TRIM46: variants seen among roughly 807,000 people sequenced by gnomAD.
The protein encoded by TRIM46 is tripartite motif-containing protein 46.
In TRIM46, 17 loss-of-function variants were observed where a neutral mutation model predicts 69.7. The observed-to-expected ratio is 0.24, with a 90% CI of 0.17 to 0.37. The LOEUF is 0.37. Ranked by LOEUF, TRIM46 falls within the 10% of genes least tolerant of loss-of-function variation. TRIM46 has a pLI of 1.00. For missense variants in TRIM46, 675 were observed against 1,025.1 expected (o/e 0.66, Z 4.66); for synonymous variants, 391 against 429.0 (o/e 0.91, Z 1.09).
rs901497170 is a variant in TRIM46, at chr1:155,177,995, T to C, written c.910-7T>C. The stretch of plus-strand genomic sequence containing the variant: ...CACGCATCCTTTGGGTGTTGCTCCC[T>C]GGGCAGGTGAGTGGTCAGCAGGCCA... On this transcript the variant is annotated splice_polypyrimidine_tract_variant and splice_region_variant and intron_variant, in intron 5 of 9. Transcript: ENST00000334634. The C allele has an allele frequency of 6.2e-7, 1 of 1,611,882 alleles. No homozygotes were observed. Among genetic ancestry groups the C allele is most frequent in the Non-Finnish European group, 8.5e-7 (1 of 1,179,286 alleles).
At chr1:155,178,408 G>A in intron 6 of TRIM46, 84 bp from the exon 7 acceptor site, 1 of 1,599,676 alleles carries the variant, frequency 6.3e-7, no homozygotes, top group South Asian at 1.1e-5. Context: ...AGTTCCCAAG[G>A]CTCTAGGGGC....
At chr1:155,174,745 T>C in intron 1 of TRIM46, 1 of 1,454,116 alleles carries the variant, frequency 6.9e-7, no homozygotes, top group Non-Finnish European at 9.0e-7. Flanking sequence ...GGCTCTTGAT[T>C]CCCCCGCTAG....
chr1:155,174,140 C>G, intron 1 of TRIM46, 111 bp downstream of exon 1: 1 of 1,250,360 alleles, frequency 8.0e-7, no homozygotes, highest in Non-Finnish European at 1.1e-6. Context: ...AGACAGGGGG[C>G]TAGCGATGGC....
chr1:155,184,330 C>T lies in TRIM46; in HGVS notation c.*140C>T. ...GCCCTGCTCCTTCTCCCGTGTCTGT[C>T]TTCCCACAGTTTTCTCTTGACCCAG... On this transcript the variant is annotated 3_prime_UTR_variant, in exon 10 of 10. Transcript: ENST00000334634. The surrounding 1 kb of genome is among the most constrained non-coding windows in gnomAD (Gnocchi z 5.6). 3.1e-6 allele frequency: 3 copies of T among 955,520 alleles called. No individual in the cohort carries two copies. Among genetic ancestry groups the T allele is most frequent in the Non-Finnish European group, 3.0e-6 (2 of 663,188 alleles). The allele number at this position is 955,520 out of a possible 1,614,324, so 59.2% of individuals were successfully genotyped here.
rs751306680 is a variant in TRIM46, at chr1:155,178,511, G to A, written c.1183G>A (p.Ala395Thr). Residue 395 changes from alanine (A) to threonine (T), a missense_variant, in exon 7 of 10, where the codon GCC (alanine) becomes ACC (threonine). Physicochemically the swap from Ala to Thr is moderately conservative, Grantham distance 58 (BLOSUM62 0). Transcript: ENST00000334634. ...TCCCAGGATTGCCCGAGCCACTGAA[G>A]CCCTCCAGACATTCCGGCCAGCTGC... is the stretch of plus-strand genomic sequence containing the variant. ...LHNRIARATE[A>T]LQTFRPAASS... The A allele has an allele frequency of 3.1e-6, 5 of 1,614,042 alleles. No homozygotes were observed. Among genetic ancestry groups the A allele is most frequent in the Non-Finnish European group, 4.2e-6 (5 of 1,180,006 alleles).
chr1:155,178,739 T>TTGC, intron 7 of TRIM46, 126 bp downstream of exon 7: 19 of 1,348,358 alleles, frequency 1.4e-5, no homozygotes, highest in Non-Finnish European at 1.8e-5. Flanking sequence ...CAGCCATTCC[T>TTGC]CCCACCCAGC....
intron 9 of TRIM46, 145 bp from the exon 10 acceptor site, chr1:155,183,652 C>T (rs1203477399): frequency 1.9e-6 from 2 of 1,043,724 alleles, no homozygotes; most frequent in African/African-American, 1.6e-5. Flanking sequence ...TAACCCCTGC[C>T]TCTTCAGCGT....
chr1:155,184,216 TG>T lies in TRIM46; in HGVS notation c.*30del. The stretch of plus-strand genomic sequence containing the variant: ...GCCTTCCAGGCCCCTCATGCAGACC[TG>T]GGGTCCTCCTGGGCCCTGGCCCCCA... On this transcript the variant is annotated 3_prime_UTR_variant, in exon 10 of 10. Transcript: ENST00000334634. The surrounding 1 kb of genome is among the most constrained non-coding windows in gnomAD (Gnocchi z 5.6). 6.4e-7 allele frequency: 1 copy of T among 1,561,024 alleles called. No individual in the cohort carries two copies.
At chr1:155,174,597 T>C (rs1199813205) in intron 1 of TRIM46, 1 of 1,527,180 alleles carries the variant, frequency 6.5e-7, no homozygotes, top group Non-Finnish European at 8.8e-7. Context: ...CTCCTTTGTG[T>C]CAGCTGCGCC....
chr1:155,180,071 C>G, intron 8 of TRIM46, 137 bp downstream of exon 8: 5 of 1,043,566 alleles, frequency 4.8e-6, no homozygotes, highest in Non-Finnish European at 6.7e-6. Flanking sequence ...TGGAGCTAGA[C>G]TGCTTGGGTT....
At chr1:155,178,739 T>TGGGGCCCCCCCCCCCCCCCCC in intron 7 of TRIM46, 126 bp downstream of exon 7, 2 of 1,348,470 alleles carry the variant, frequency 1.5e-6, no homozygotes, top group Non-Finnish European at 2.0e-6. Flanking sequence ...CAGCCATTCC[T>TGGGGCCCCCCCCCCCCCCCCC]CCCACCCAGC....
Position 155,179,814 on chromosome 1 carries a change from A to G in TRIM46, c.1468A>G (p.Ser490Gly). 1 of 1,613,082 alleles carries G rather than the reference A, an allele frequency of 6.2e-7. No homozygotes were observed. The change falls in exon 8 of 10, where the codon AGT becomes GGT. Residue 490 changes from serine (S) to glycine (G), a missense_variant. Physicochemically the swap from Ser to Gly is moderately conservative, Grantham distance 56 (BLOSUM62 0). This residue lies in a region of TRIM46 where 361 missense variants were observed against 498.3 expected (regional missense o/e 0.72). Transcript: ENST00000334634. The part of the protein sequence containing the change: ...WQRREEVRGT[S>G]ALLENPDTGS... ...GCGGCGGGAGGAGGTGAGGGGCACCAGTGCCCTGCTTGAGAACCCCGACAC... is the reference window on the plus strand; with the variant it reads ...GCGGCGGGAGGAGGTGAGGGGCACCGGTGCCCTGCTTGAGAACCCCGACAC...
chr1:155,180,454 G>A, intron 8 of TRIM46: 1 of 430,138 alleles, frequency 2.3e-6, no homozygotes. Context: ...ACTTAGCCAG[G>A]CGTGGTGGTG....
intron 1 of TRIM46, chr1:155,174,530 G>A: frequency 6.9e-7 from 1 of 1,459,450 alleles, no homozygotes; most frequent in Non-Finnish European, 9.0e-7. Flanking sequence ...GGCTCTCCCA[G>A]GGGCGGTGCC....
At chr1:155,174,714 G>A in intron 1 of TRIM46, 1 of 1,450,976 alleles carries the variant, frequency 6.9e-7, no homozygotes, top group Non-Finnish European at 9.1e-7. Flanking sequence ...GACTTCCGGT[G>A]GGGAGGGGGC....
At position 155,178,080 on chromosome 1, in the gene TRIM46, T is replaced by C; in HGVS notation, c.988T>C (p.Ser330Pro). 6.2e-7 allele frequency: 1 copy of C among 1,614,032 alleles called. No homozygotes were observed. The highest frequency in any genetic ancestry group is 8.5e-7 in the Non-Finnish European group (1 of 1,180,002). The change falls in exon 6 of 10, where the codon TCA becomes CCA. Residue 330 changes from serine to proline, a missense_variant. Around this residue, in one of 5 missense-constraint regions of TRIM46, gnomAD observed 361 missense variants for 498.3 expected, o/e 0.72. Transcript: ENST00000334634. ...LGAVLEEKRASLLQAIEECQQ... is the reference protein window; with the variant it reads ...LGAVLEEKRAPLLQAIEECQQ... The stretch of plus-strand genomic sequence containing the variant: ...GGCTGTGCTGGAGGAGAAGCGGGCA[T>C]CACTGCTTCAGGCCATTGAAGAATG...
chr1:155,178,665 C>T (rs1365983063), intron 7 of TRIM46, 52 bp downstream of exon 7: 5 of 1,603,136 alleles, frequency 3.1e-6, no homozygotes, highest in Non-Finnish European at 4.2e-6. Flanking sequence ...TCCCTTCCTC[C>T]CCAGCAGCGG....
At chr1:155,183,041 G>T (rs1391526876) in intron 9 of TRIM46, among the ~76,000 whole-genome samples, 3 of 151,182 alleles carry the variant, frequency 2.0e-5, no homozygotes, top group Admixed American at 6.6e-5. Flanking sequence ...CTCCCGAGTA[G>T]CTGGGACTAC....
Position 155,175,001 on chromosome 1 carries a change from G to T in TRIM46, c.64-385G>T. Reference sequence around the variant, plus strand: ...GGTGCTGCTAGAGAAGGGAGTGGGGGTCTGCATGGAGCTGCAGAATGGGCG... The same window carrying T: ...GGTGCTGCTAGAGAAGGGAGTGGGGTTCTGCATGGAGCTGCAGAATGGGCG... On this transcript the variant is annotated intron_variant, in intron 1 of 9. Coordinates refer to ENST00000334634, the MANE Select transcript of TRIM46 (RefSeq NM_025058.5). This position sits in a 1 kb window ranked among gnomAD's most constrained non-coding sequence, Gnocchi z 4.2. The T allele has an allele frequency of 5.8e-6, 8 of 1,384,862 alleles. No individual in the cohort carries two copies. The highest frequency in any genetic ancestry group is 7.4e-6 in the Non-Finnish European group (8 of 1,076,392). The allele number at this position is 1,384,862 out of a possible 1,614,324, so 85.8% of individuals were successfully genotyped here.
Sources: allele counts gnomAD v4.1 joint callset (sites outside exome capture counted in the v4.1 genomes callset), GRCh38; gene constraint gnomAD v4.1.1; regional missense constraint gnomAD v4.1.1; non-coding constraint Gnocchi (gnomAD v3.1); transcripts MANE v1.5; gene names NCBI Gene and HGNC (gene_info 2026-07-23, HGNC 2026-07-21).